Variants in CMSS1 observed in about 807,000 individuals in gnomAD.
The protein encoded by CMSS1 is cms1 ribosomal small subunit homolog.
Under a neutral mutation model 43.5 loss-of-function variants are expected in CMSS1, and 33 were observed. The ratio of observed to expected loss-of-function variants is 0.76; its 90% CI spans 0.57 to 1.01. The LOEUF (loss-of-function observed/expected upper bound fraction) is 1.01, where lower values mean the gene tolerates loss of function less well. CMSS1 is among the 50% of genes least tolerant of loss of function. CMSS1 has a pLI of 0.00. For missense variants in CMSS1, 313 were observed against 326.4 expected, an observed-to-expected ratio of 0.96 and a Z score of 0.32; for synonymous variants, 115 against 117.2, an observed-to-expected ratio of 0.98 and a Z score of 0.12.
intron 1 of CMSS1, among the ~76,000 whole-genome samples, chr3:100,137,338 G>A (rs2066764227): frequency 6.6e-6 from 1 of 152,088 alleles, no homozygotes; most frequent in Non-Finnish European, 1.5e-5. Context: ...AAATAAAATG[G>A]ATTTTTAAAA....
intron 1 of CMSS1, among the ~76,000 whole-genome samples, chr3:99,937,476 G>A (rs1450817563): frequency 6.6e-6 from 1 of 152,238 alleles, no homozygotes; most frequent in Non-Finnish European, 1.5e-5. Flanking sequence ...AATAGAAAGA[G>A]TATGAGATTG....
At chr3:99,823,504 C>G (rs1010565343) in intron 1 of CMSS1, among the ~76,000 whole-genome samples, 1 of 152,164 alleles carries the variant, frequency 6.6e-6, no homozygotes, top group Admixed American at 6.5e-5. Flanking sequence ...TCCATCAAGT[C>G]CTGTTGTCAC....
chr3:99,827,761 A>G (rs1345989359), intron 1 of CMSS1, among the ~76,000 whole-genome samples: 1 of 152,110 alleles, frequency 6.6e-6, no homozygotes, highest in Non-Finnish European at 1.5e-5. Flanking sequence ...ATGCGCCACC[A>G]TGCCCGGCTA....
chr3:100,136,048 C>T (rs1356301708), intron 1 of CMSS1, among the ~76,000 whole-genome samples: 1 of 151,984 alleles, frequency 6.6e-6, no homozygotes, highest in African/African-American at 2.4e-5. Context: ...CTAAAAATGG[C>T]AAAATGAAAG....
At chr3:99,848,177 C>A in intron 1 of CMSS1, 1 of 1,536,910 alleles carries the variant, frequency 6.5e-7, no homozygotes, top group Non-Finnish European at 8.7e-7. Flanking sequence ...TCCCAAAGTA[C>A]GAGTTCAGTC....
chr3:100,162,469 C>G, intron 4 of CMSS1, 37 bp downstream of exon 4: 1 of 1,594,388 alleles, frequency 6.3e-7, no homozygotes, highest in Non-Finnish European at 8.6e-7. Flanking sequence ...AGACAAGGAG[C>G]AAAACATAAG....
intron 1 of CMSS1, among the ~76,000 whole-genome samples, chr3:99,924,611 C>T (rs568172615): frequency 2.6e-5 from 4 of 152,276 alleles, no homozygotes; most frequent in South Asian, 2.1e-4. Context: ...TTCCGCCTCC[C>T]GGGTTTAAGC....
chr3:100,172,346 C>T lies in CMSS1; in HGVS notation c.610C>T (p.Arg204Cys), dbSNP rs755987152. 1.9e-5 allele frequency: 30 copies of T among 1,613,710 alleles called. No individual in the cohort carries two copies. In the Middle Eastern group the frequency reaches 4.9e-4, roughly 27 times the overall value. Residue 204 changes from arginine to cysteine, a missense_variant, in exon 8 of 10, where the codon CGT (arginine) becomes TGT (cysteine). Transcript: ENST00000421999. ...GGCGCAGGTAAAGTTGCTGGAGAAG[C>T]GTGTGGTGCACCTGGGTGTAGGAAC... ...VQAQVKLLEK[R>C]VVHLGVGTPG...
intron 1 of CMSS1, among the ~76,000 whole-genome samples, chr3:99,921,467 A>C (rs2107650830): frequency 6.6e-6 from 1 of 152,326 alleles, no homozygotes; most frequent in South Asian, 2.1e-4. Context: ...CTACCAAGAT[A>C]CTGGAATTGT....
At position 100,179,851 on chromosome 3, in the gene CMSS1, C is replaced by T. The variant is rs2067174125; in HGVS notation, c.*1463C>T. The T allele has an allele frequency of 1.3e-5, 2 of 152,264 alleles. No homozygotes were observed. Among genetic ancestry groups the T allele is most frequent in the Non-Finnish European group, 2.9e-5 (2 of 68,066 alleles). The allele number at this position is 152,264 out of a possible 1,614,324, so 9.4% of individuals were successfully genotyped here. A position where few individuals can be genotyped will look rare whatever the true frequency, so the allele number is the denominator to read the frequency against. On this transcript the variant is annotated 3_prime_UTR_variant, in exon 10 of 10. Coordinates refer to ENST00000421999, the MANE Select transcript of CMSS1 (RefSeq NM_032359.4). ...CCCCTCTGCACTGCCCTAGTAGAGG[C>T]TCTCCATGAGGGCTTCACCCCTGTA...
chr3:100,121,782 C>G (rs1295508518), intron 1 of CMSS1, among the ~76,000 whole-genome samples: 4 of 152,126 alleles, frequency 2.6e-5, no homozygotes, highest in Non-Finnish European at 5.9e-5. Flanking sequence ...TCTGAGGGGG[C>G]CCCTGGTGTC....
chr3:100,098,850 A>G (rs1576057999), intron 1 of CMSS1, among the ~76,000 whole-genome samples: 1 of 152,228 alleles, frequency 6.6e-6, no homozygotes, highest in East Asian at 1.9e-4. Flanking sequence ...AAACTAGGAA[A>G]ACATTTTTAA....
At chr3:100,050,066 A>G (rs1207373611) in intron 1 of CMSS1, among the ~76,000 whole-genome samples, 1 of 152,180 alleles carries the variant, frequency 6.6e-6, no homozygotes, top group East Asian at 1.9e-4. Flanking sequence ...AGTGAAAAGG[A>G]ACATGCTTTT....
chr3:100,143,423 C>T lies in CMSS1; in HGVS notation c.65-3550C>T, dbSNP rs150698330. On this transcript the variant is annotated intron_variant, in intron 1 of 9. Coordinates refer to ENST00000421999, the MANE Select transcript of CMSS1 (RefSeq NM_032359.4). ...GAAAGTTTTTTTACATGCTGTTTAT[C>T]AATTTCAATTCTTTTTAAATTTGTT... Among the ~76,000 whole-genome samples the T allele has an allele frequency of 2.7e-3, 408 of 152,258 alleles. 1 individual carries two copies. The highest frequency in any genetic ancestry group is 9.1e-3 in the African/African-American group (378 of 41,554).
chr3:99,932,487 T>A (rs1707514863), intron 1 of CMSS1, among the ~76,000 whole-genome samples: 1 of 152,224 alleles, frequency 6.6e-6, no homozygotes, highest in African/African-American at 2.4e-5. Context: ...TTTGAATATT[T>A]TTTTTTCAGT....
Position 100,047,644 on chromosome 3 carries a change from A to T in CMSS1, c.65-99329A>T, listed in dbSNP as rs1308624000. On this transcript the variant is annotated intron_variant, in intron 1 of 9. Coordinates refer to ENST00000421999, the MANE Select transcript of CMSS1 (RefSeq NM_032359.4). ...TTCAACTGCAGGTGTCTGTCAAGAG[A>T]CAGTAGAGTTTTGTCCTTCTGGAAG... Among the ~76,000 whole-genome samples, 5 of 152,192 alleles carry T rather than the reference A, an allele frequency of 3.3e-5. No homozygotes were observed. In the East Asian group the frequency reaches 7.7e-4, roughly 23 times the overall value.
intron 1 of CMSS1, among the ~76,000 whole-genome samples, chr3:99,838,349 G>T (rs1227648954): frequency 1.3e-5 from 2 of 152,180 alleles, no homozygotes; most frequent in African/African-American, 4.8e-5. Flanking sequence ...TGGAAGGAGA[G>T]GCAAATCACT....
At chr3:99,929,513 A>AGT (rs10629410) in intron 1 of CMSS1, among the ~76,000 whole-genome samples, 16,681 of 148,052 alleles carry the variant, frequency 0.11, 1,116 homozygotes, top group African/African-American at 0.2. Context: ...AAGTTCCCAG[A>AGT]GTGTGTGTGT....
At chr3:100,058,460 T>C (rs1211122044) in intron 1 of CMSS1, among the ~76,000 whole-genome samples, 3 of 152,232 alleles carry the variant, frequency 2.0e-5, no homozygotes, top group Admixed American at 6.5e-5. Flanking sequence ...AGTCTGTTCT[T>C]GGGTGCTTCT....
Sources: allele counts gnomAD v4.1 joint callset (sites outside exome capture counted in the v4.1 genomes callset), GRCh38; gene constraint gnomAD v4.1.1; transcripts MANE v1.5; gene names NCBI Gene and HGNC (gene_info 2026-07-23, HGNC 2026-07-21).